Variants in NALF2 observed in about 807,000 individuals in gnomAD.
NALF2 encodes NALCN channel auxiliary factor 2, also known as bB57D9.1 (TED protein).
A neutral mutation model predicts 24.8 loss-of-function variants in NALF2; 1 was observed. That is an observed-to-expected ratio of 0.04 (90% CI 0.01 to 0.19). The LOEUF is 0.19. NALF2 is among the 10% of genes least tolerant of loss of function. The probability of loss-of-function intolerance (pLI) is 1.00; values close to 1 mark genes in which losing one functional copy is unlikely to be tolerated. For missense variants in NALF2, 458 were observed against 409.6 expected (o/e 1.12, Z -1.02); for synonymous variants, 254 against 189.8 (o/e 1.34, Z -2.78).
rs983897306 is a variant in NALF2 at position 69,504,991 on chromosome X, C to T, written c.-292C>T. ...CGCCGCCGCCGCAGCCGCCACCGCC[C>T]CAGTGCCCCGCACCGCCCCCAGCCG... is the stretch of plus-strand genomic sequence containing the variant. On this transcript the variant is annotated 5_prime_UTR_variant, in exon 1 of 3. Coordinates refer to ENST00000252338, the MANE Select transcript of NALF2 (RefSeq NM_015686.3). 3.7e-5 allele frequency among the ~76,000 whole-genome samples: 4 copies of T among 106,997 alleles called. No homozygotes were observed. Among genetic ancestry groups the T allele is most frequent in the African/African-American group, 1.3e-4 (4 of 30,138 alleles). 92.9% of individuals were successfully genotyped at this position (106,997 alleles called of 115,157 possible). A position where few individuals can be genotyped will look rare whatever the true frequency, so the allele number is the denominator to read the frequency against.
rs755330269 is a variant in NALF2 at position 69,505,993 on chromosome X, C to T, written c.711C>T (p.Ser237=). The stretch of plus-strand genomic sequence containing the variant: ...TGGCCGTGGTGGCCAGCCCGGGCTC[C>T]GGGGCCTGGGAGGCGTGTAGCAACT... ...DLLAVVASPG[S]GAWEACSNCI... is the part of the protein sequence containing the mutation. The change falls in exon 1 of 3, where the codon TCC becomes TCT. Residue 237 remains serine, a synonymous_variant. Coordinates refer to ENST00000252338, the MANE Select transcript of NALF2 (RefSeq NM_015686.3). The T allele has an allele frequency of 5.0e-6, 6 of 1,211,513 alleles. No individual in the cohort carries two copies. The East Asian group carries it at 8.9e-5, about 18-fold the overall frequency.
intron 1 of NALF2, among the ~76,000 whole-genome samples, chrX:69,513,159 G>A (rs1242898362): frequency 8.9e-6 from 1 of 111,956 alleles, no homozygotes; most frequent in Non-Finnish European, 1.9e-5. Context: ...CAGAGCACGA[G>A]GGGAGAAGGT....
rs1930877923 is a variant in NALF2, at chrX:69,530,022, G to A, written c.*66G>A. On this transcript the variant is annotated 3_prime_UTR_variant, in exon 3 of 3. Coordinates refer to ENST00000252338, the MANE Select transcript of NALF2 (RefSeq NM_015686.3). ...GCTCCAGCTCCCCCAGGTTGGGGGG[G>A]AGGGGGCTCCTCCCATGGGAGGTGT... 4 of 895,948 alleles carry A rather than the reference G, an allele frequency of 4.5e-6. No individual in the cohort carries two copies. The East Asian group carries it at 9.9e-5, about 22-fold the overall frequency. The allele number at this position is 895,948 out of a possible 1,213,427, so 73.8% of individuals were successfully genotyped here.
At chrX:69,514,455 T>C (rs891421125) in intron 1 of NALF2, among the ~76,000 whole-genome samples, 8 of 111,716 alleles carry the variant, frequency 7.2e-5, no homozygotes, top group Non-Finnish European at 1.3e-4. Context: ...ATTTTGTTTA[T>C]CCATTAATTT....
At position 69,505,380 on chromosome X, in the gene NALF2, C is replaced by T; in HGVS notation, c.98C>T (p.Pro33Leu). The T allele has an allele frequency of 8.6e-7, 1 of 1,159,745 alleles. No homozygotes were observed. The highest frequency in any genetic ancestry group is 1.1e-6 in the Non-Finnish European group (1 of 869,809). Residue 33 changes from proline to leucine, a missense_variant, in exon 1 of 3, where the codon CCT becomes CTT. Coordinates refer to ENST00000252338, the MANE Select transcript of NALF2 (RefSeq NM_015686.3). The stretch of plus-strand genomic sequence containing the variant: ...TGGGCTCCCAGGCCGAGCGACAAAC[C>T]TTGCGCCGACTCCGAGCGGGCGCAG... ...CCWAPRPSDK[P>L]CADSERAQRW...
chrX:69,517,425 C>T (rs1198543080), intron 1 of NALF2, among the ~76,000 whole-genome samples: 1 of 111,941 alleles, frequency 8.9e-6, no homozygotes, highest in Non-Finnish European at 1.9e-5. Context: ...AGATCTGTCT[C>T]TACCTCAAGG....
At position 69,506,049 on chromosome X, in the gene NALF2, A is replaced by C; in HGVS notation, c.767A>C (p.His256Pro). 1 of 1,210,050 alleles carries C rather than the reference A, an allele frequency of 8.3e-7. No individual in the cohort carries two copies. The highest frequency in any genetic ancestry group is 1.7e-5 in the African/African-American group (1 of 57,726). ...CIEAYQRLDR[H>P]AQEKYDEFDL... is the part of the protein sequence containing the mutation. ...GAGGCGTACCAGCGGCTGGACCGAC[A>C]CGCTCAGGAAAAATATGACGAGTTC... Residue 256 changes from histidine to proline, a missense_variant, in exon 1 of 3, where the codon CAC becomes CCC. Coordinates refer to ENST00000252338, the MANE Select transcript of NALF2 (RefSeq NM_015686.3).
Position 69,504,449 on chromosome X carries a change from A to G in NALF2, c.-834A>G, listed in dbSNP as rs1387530608. Reference sequence around the variant, plus strand: ...GAAGATGGCGACAGACTGAGGGTGCATGGCCAGCGGGAGCCACGGGGCCGT... The same window carrying G: ...GAAGATGGCGACAGACTGAGGGTGCGTGGCCAGCGGGAGCCACGGGGCCGT... On this transcript the variant is annotated 5_prime_UTR_variant, in exon 1 of 3. The change abolishes an upstream ATG in the 5' untranslated region. Transcript: ENST00000252338. Among the ~76,000 whole-genome samples the G allele has an allele frequency of 8.8e-6, 1 of 113,446 alleles. No homozygotes were observed. The highest frequency in any genetic ancestry group is 1.9e-5 in the Non-Finnish European group (1 of 53,301).
At chrX:69,507,265 G>C (rs778060779) in intron 1 of NALF2, among the ~76,000 whole-genome samples, 3 of 111,905 alleles carry the variant, frequency 2.7e-5, no homozygotes, top group African/African-American at 9.7e-5. Flanking sequence ...TTTCCATCCA[G>C]CATGGCCCTT....
At chrX:69,524,003 G>A (rs1930769998) in intron 1 of NALF2, among the ~76,000 whole-genome samples, 1 of 111,740 alleles carries the variant, frequency 8.9e-6, no homozygotes, top group Admixed American at 9.4e-5. Flanking sequence ...AATTGCCTGA[G>A]GTATTTTGAA....
At chrX:69,512,965 T>C (rs1930605844) in intron 1 of NALF2, among the ~76,000 whole-genome samples, 1 of 111,353 alleles carries the variant, frequency 9.0e-6, no homozygotes. Flanking sequence ...ACATCCTCTT[T>C]GTTCAACGTC....
In NALF2 at chrX:69,505,570, G is replaced by T; in HGVS notation, c.288G>T (p.Val96=). 9.9e-7 allele frequency: 1 copy of T among 1,008,505 alleles called. No homozygotes were observed. Among genetic ancestry groups the T allele is most frequent in the Non-Finnish European group, 1.2e-6 (1 of 805,174 alleles). The allele number at this position is 1,008,505 out of a possible 1,213,427, so 83.1% of individuals were successfully genotyped here. A position where few individuals can be genotyped will look rare whatever the true frequency, so the allele number is the denominator to read the frequency against. ...GGCAGCCGGTGCCTCCTCGCGCGGT[G>T]CTGCCGCTGCCGCCGCCGCCGCCCG... ...RERQPVPPRA[V]LPLPPPPPGE... The change falls in exon 1 of 3, where the codon GTG becomes GTT. Residue 96 remains valine, a synonymous_variant. Coordinates refer to ENST00000252338, the MANE Select transcript of NALF2 (RefSeq NM_015686.3).
intron 1 of NALF2, among the ~76,000 whole-genome samples, chrX:69,524,218 A>C (rs999536431): frequency 1.9e-5 from 2 of 107,582 alleles, no homozygotes; most frequent in African/African-American, 6.8e-5. Context: ...CCACCTCAGC[A>C]TCCTAAATAA....
At chrX:69,526,595 G>C (rs993455018) in intron 1 of NALF2, among the ~76,000 whole-genome samples, 1 of 111,998 alleles carries the variant, frequency 8.9e-6, no homozygotes, top group African/African-American at 3.2e-5. Flanking sequence ...GGGGCTGACA[G>C]GAACAAAACA....
At chrX:69,520,447 A>G (rs774682199) in intron 1 of NALF2, among the ~76,000 whole-genome samples, 6 of 111,828 alleles carry the variant, frequency 5.4e-5, no homozygotes, top group Non-Finnish European at 7.5e-5. Context: ...TTCATTGTCC[A>G]AAGCAAGTCA....
intron 1 of NALF2, among the ~76,000 whole-genome samples, chrX:69,506,833 A>G (rs1360195495): frequency 8.9e-6 from 1 of 112,644 alleles, no homozygotes; most frequent in East Asian, 2.8e-4. Flanking sequence ...GCATTCTCAT[A>G]CAAAACTCCC....
intron 1 of NALF2, among the ~76,000 whole-genome samples, chrX:69,512,570 C>A (rs756642300): frequency 1.6e-4 from 18 of 111,597 alleles, no homozygotes; most frequent in Non-Finnish European, 2.8e-4. Context: ...AAGAAAATTG[C>A]GAGTCTTTGA....
intron 1 of NALF2, among the ~76,000 whole-genome samples, chrX:69,520,718 A>G (rs1212743033): frequency 2.7e-5 from 3 of 111,830 alleles, no homozygotes; most frequent in Admixed American, 1.9e-4. Flanking sequence ...AAATGAAACT[A>G]TTCATCCAGC....
rs999074519 is a variant in NALF2 at position 69,523,582 on chromosome X, C to T, written c.862-5411C>T. ...TGTTCCCTCTAGTTATTTCCTGCTC[C>T]CTTCCCCTCCCAGTTCCCATAGCAA... On this transcript the variant is annotated intron_variant, in intron 1 of 2. Coordinates refer to ENST00000252338, the MANE Select transcript of NALF2 (RefSeq NM_015686.3). Among the ~76,000 whole-genome samples the T allele has an allele frequency of 2.7e-5, 3 of 111,840 alleles. No homozygotes were observed. The Admixed American group carries it at 2.8e-4, about 11-fold the overall frequency.
Sources: gnomAD v4.1 joint callset for allele counts (sites outside exome capture counted in the v4.1 genomes callset) on GRCh38, gnomAD v4.1.1 for gene constraint, MANE v1.5 for transcripts, NCBI Gene and HGNC (gene_info 2026-07-23, HGNC 2026-07-21) for gene names.